DOCK11: variants seen among roughly 807,000 people sequenced by gnomAD.
DOCK11 encodes dedicator of cytokinesis 11, also known as dedicator of cytokinesis protein 11.
A neutral mutation model predicts 169.1 loss-of-function variants in DOCK11; 70 were observed. The observed-to-expected ratio is 0.41, with a 90% confidence interval of 0.34 to 0.51. The LOEUF is 0.51. DOCK11 is among the 20% of genes least tolerant of loss of function. DOCK11 has a pLI of 0.10. For missense variants in DOCK11, 1,166 were observed against 1,538.8 expected (o/e 0.76, Z 4.05); for synonymous variants, 529 against 541.3 (o/e 0.98, Z 0.32).
chrX:118,572,070 A>G (rs1002851844), intron 10 of DOCK11, among the ~76,000 whole-genome samples: 2 of 112,287 alleles, frequency 1.8e-5, no homozygotes, highest in Admixed American at 1.9e-4. Flanking sequence ...AGGGCTTTGT[A>G]GGCCATAGTA....
intron 31 of DOCK11, among the ~76,000 whole-genome samples, chrX:118,619,247 G>A (rs941557445): frequency 9.3e-6 from 1 of 107,328 alleles, no homozygotes; most frequent in South Asian, 4.1e-4. Context: ...GCTGAGGTGG[G>A]TGGATCGCTT....
rs373231196 is a variant in DOCK11 at position 118,599,213 on chromosome X, C to T, written c.2547C>T (p.Leu849=). The T allele has an allele frequency of 1.1e-5, 13 of 1,202,469 alleles. No individual in the cohort carries two copies. Among genetic ancestry groups the T allele is most frequent in the Non-Finnish European group, 1.2e-5 (11 of 890,068 alleles). The change falls in exon 23 of 53, where the codon CTC becomes CTT. Residue 849 remains leucine, a synonymous_variant. Transcript: ENST00000276202. ...QSGSKEVPGE[L]IKYLKCLHAM... ...GCTCGAAAGAAGTTCCAGGGGAGCT[C>T]ATTAAATATTTAAAGGTAAATGAAC...
intron 45 of DOCK11, among the ~76,000 whole-genome samples, chrX:118,667,470 C>T (rs2016365453): frequency 1.9e-5 from 2 of 105,868 alleles, no homozygotes; most frequent in South Asian, 4.2e-4. Context: ...CAAGACTTTC[C>T]TTTTGTCACG....
rs577443340 is a variant in DOCK11 at position 118,587,146 on chromosome X, A to G, written c.1796-991A>G. On this transcript the variant is annotated intron_variant, in intron 16 of 52. Transcript: ENST00000276202. The stretch of plus-strand genomic sequence containing the variant: ...TCAGTGTGGTTAAGATAATGATGCT[A>G]CACTGATACCATGAAACTTTATTGC... Among the ~76,000 whole-genome samples the G allele has an allele frequency of 2.7e-5, 3 of 112,332 alleles. No homozygotes were observed. In the South Asian group the frequency reaches 1.1e-3, roughly 41 times the overall value.
At chrX:118,684,558 G>A (rs962731891) in intron 52 of DOCK11, among the ~76,000 whole-genome samples, 4 of 111,227 alleles carry the variant, frequency 3.6e-5, no homozygotes, top group African/African-American at 1.3e-4. Context: ...ACAGGCGTGA[G>A]CCACCACGCC....
At chrX:118,634,338 G>A (rs2015327661) in intron 35 of DOCK11, 1 of 112,518 alleles carries the variant, frequency 8.9e-6, no homozygotes, top group Non-Finnish European at 1.9e-5. Flanking sequence ...GGAAATGGGA[G>A]GGATGGCCTC....
chrX:118,518,876 GA>G (rs2057705658), intron 1 of DOCK11, among the ~76,000 whole-genome samples: 1 of 111,521 alleles, frequency 9.0e-6, no homozygotes, highest in African/African-American at 3.3e-5. Context: ...TTGGGGCAGG[GA>G]GCACATGGGA....
At position 118,534,719 on chromosome X, in the gene DOCK11, A is replaced by G. The variant is rs1366327681; in HGVS notation, c.103-8006A>G. ...GTGCTGCCATTTTAGCTTGGAAGGC[A>G]TACGTGTAAGAGCAGTCTCTTTGTA... On this transcript the variant is annotated intron_variant, in intron 1 of 52. Coordinates refer to ENST00000276202, the MANE Select transcript of DOCK11 (RefSeq NM_144658.4). Among the ~76,000 whole-genome samples, 4 of 111,983 alleles carry G rather than the reference A, an allele frequency of 3.6e-5. No homozygotes were observed. The East Asian group carries it at 8.3e-4, about 23-fold the overall frequency.
intron 44 of DOCK11, among the ~76,000 whole-genome samples, chrX:118,656,840 C>T (rs762596007): frequency 9.0e-6 from 1 of 110,882 alleles, no homozygotes; most frequent in Non-Finnish European, 1.9e-5. Context: ...AAGGCTGAGG[C>T]AGGAGCGCTT....
chrX:118,638,038 G>A, intron 36 of DOCK11, 42 bp from the exon 37 acceptor site: 1 of 1,029,608 alleles, frequency 9.7e-7, no homozygotes, highest in Non-Finnish European at 1.4e-6. Flanking sequence ...ATCTGTAGAG[G>A]ATGTTAATAT....
chrX:118,623,887 T>G (rs16995235), intron 31 of DOCK11, among the ~76,000 whole-genome samples: 1 of 112,359 alleles, frequency 8.9e-6, no homozygotes, highest in Non-Finnish European at 1.9e-5. Context: ...TGGCGAGGAA[T>G]GTCTATAAGC....
chrX:118,546,048 G>A lies in DOCK11; in HGVS notation c.490G>A (p.Gly164Ser). Residue 164 changes from glycine (G) to serine (S), a missense_variant, in exon 6 of 53, where the codon GGT becomes AGT. Transcript: ENST00000276202. The stretch of plus-strand genomic sequence containing the variant: ...CTCATCTTCTTTATGTTCTCAGAAG[G>A]GTGGTGTGATAAAACAAGGCTGGTT... ...EDSSSLCSQK[G>S]GVIKQGWLHK... 8.3e-7 allele frequency: 1 copy of A among 1,206,634 alleles called. No individual in the cohort carries two copies. The highest frequency in any genetic ancestry group is 1.1e-6 in the Non-Finnish European group (1 of 892,319).
chrX:118,667,196 C>T (rs1316719467), intron 45 of DOCK11, among the ~76,000 whole-genome samples: 1 of 111,106 alleles, frequency 9.0e-6, no homozygotes, highest in Non-Finnish European at 1.9e-5. Flanking sequence ...TGTGGTTGAG[C>T]AGAAAATTTT....
intron 1 of DOCK11, among the ~76,000 whole-genome samples, chrX:118,534,800 C>T (rs759102222): frequency 8.9e-6 from 1 of 111,930 alleles, no homozygotes; most frequent in South Asian, 3.7e-4. Flanking sequence ...TCTCAGGGCT[C>T]TCTGCTAGGT....
At chrX:118,528,007 C>G (rs1242968514) in intron 1 of DOCK11, among the ~76,000 whole-genome samples, 2 of 112,799 alleles carry the variant, frequency 1.8e-5, no homozygotes, top group African/African-American at 6.4e-5. Context: ...GAGTTATATA[C>G]ATGTTGTTGG....
intron 10 of DOCK11, among the ~76,000 whole-genome samples, chrX:118,570,892 TGA>T (rs2013250678): frequency 8.9e-6 from 1 of 112,222 alleles, no homozygotes; most frequent in African/African-American, 3.2e-5. Context: ...TCTTTTTCTT[TGA>T]GAGACAGAGT....
At chrX:118,682,997 T>C in intron 51 of DOCK11, 82 bp from the exon 52 acceptor site, 1 of 990,334 alleles carries the variant, frequency 1.0e-6, no homozygotes, top group Non-Finnish European at 1.4e-6. Flanking sequence ...AAGCCATGGC[T>C]AAACTGAGTT....
At chrX:118,544,344 A>T (rs904114573) in intron 4 of DOCK11, among the ~76,000 whole-genome samples, 1 of 111,681 alleles carries the variant, frequency 9.0e-6, no homozygotes, top group Non-Finnish European at 1.9e-5. Context: ...ACCACTTACT[A>T]GCTGGATGAC....
chrX:118,616,397 T>A (rs2014813309), intron 30 of DOCK11, among the ~76,000 whole-genome samples: 1 of 112,083 alleles, frequency 8.9e-6, no homozygotes. Context: ...TAGGAGGCAG[T>A]GTGTTTGTTT....
Sources: gnomAD v4.1 joint callset for allele counts (sites outside exome capture counted in the v4.1 genomes callset) on GRCh38, gnomAD v4.1.1 for gene constraint, MANE v1.5 for transcripts, NCBI Gene and HGNC (gene_info 2026-07-23, HGNC 2026-07-21) for gene names.